PAPOLA: variants seen among roughly 807,000 people sequenced by gnomAD.
PAPOLA encodes polynucleotide adenylyltransferase alpha.
PAPOLA carries 15 observed loss-of-function variants against 100.6 expected under a neutral mutation model. The ratio of observed to expected loss-of-function variants is 0.15; its 90% CI spans 0.10 to 0.23. The LOEUF (loss-of-function observed/expected upper bound fraction) is 0.23. Among genes scored for constraint, PAPOLA ranks in the 10% least tolerant of loss-of-function variants. The pLI is 1.00. For synonymous variants in PAPOLA, 293 were observed against 300.0 expected (o/e 0.98, Z 0.24); for missense variants, 533 against 884.2 (o/e 0.60, Z 5.04).
chr14:96,563,624 T>G (rs1167767473), intron 21 of PAPOLA, among the ~76,000 whole-genome samples: 2 of 152,178 alleles, frequency 1.3e-5, no homozygotes, highest in Non-Finnish European at 2.9e-5. Context: ...TACTATGTAC[T>G]ATGATGATAT....
chr14:96,556,957 A>G (rs1380174306), intron 19 of PAPOLA, among the ~76,000 whole-genome samples: 1 of 152,150 alleles, frequency 6.6e-6, no homozygotes, highest in African/African-American at 2.4e-5. Flanking sequence ...CATCATTTGC[A>G]TTTTTGTTTT....
At chr14:96,540,348 C>T (rs1416588743) in intron 12 of PAPOLA, among the ~76,000 whole-genome samples, 1 of 151,490 alleles carries the variant, frequency 6.6e-6, no homozygotes, top group South Asian at 2.1e-4. Context: ...GATTTCTATA[C>T]TTCATTGTCT....
At chr14:96,543,520 C>A (rs1291857550) in intron 14 of PAPOLA, among the ~76,000 whole-genome samples, 1 of 151,878 alleles carries the variant, frequency 6.6e-6, no homozygotes, top group East Asian at 1.9e-4. Context: ...GTGAAAGGAT[C>A]ATTAAATTTG....
chr14:96,535,981 G>T lies in PAPOLA; in HGVS notation c.1012G>T (p.Val338Phe). Residue 338 changes from valine (V) to phenylalanine (F), a missense_variant, in exon 11 of 22, where the codon GTT (valine) becomes TTT (phenylalanine). Val to Phe is a conservative substitution (Grantham distance 50, BLOSUM62 -1). This residue lies in a region of PAPOLA where 87 missense variants were observed against 173.3 expected (regional missense o/e 0.50). Coordinates refer to ENST00000216277, the MANE Select transcript of PAPOLA (RefSeq NM_032632.5). ...NVSVSTRMVM[V>F]EEFKQGLAIT... ...GTCCGTTTCAACACGGATGGTCATG[G>T]TTGAGGAGTTTAAACAAGGTAAGTG... The T allele has an allele frequency of 6.2e-7, 1 of 1,602,484 alleles. No homozygotes were observed. Among genetic ancestry groups the T allele is most frequent in the Non-Finnish European group, 8.5e-7 (1 of 1,174,268 alleles).
chr14:96,558,326 T>G (rs1348371858), intron 19 of PAPOLA, among the ~76,000 whole-genome samples: 2 of 152,220 alleles, frequency 1.3e-5, no homozygotes, highest in Non-Finnish European at 2.9e-5. Context: ...TTCAGACTAC[T>G]GATACTGGTT....
intron 1 of PAPOLA, among the ~76,000 whole-genome samples, chr14:96,515,646 G>A (rs8012120): frequency 0.017 from 2,619 of 152,318 alleles, 74 homozygotes; most frequent in African/African-American, 0.061. Flanking sequence ...TACCCTGAAG[G>A]TAAATATTAA....
At chr14:96,515,014 G>A (rs2140241778) in intron 1 of PAPOLA, among the ~76,000 whole-genome samples, 1 of 152,138 alleles carries the variant, frequency 6.6e-6, no homozygotes, top group East Asian at 1.9e-4. Flanking sequence ...TTAGTATACA[G>A]TTATATTTTA....
rs185475676 is a variant in PAPOLA at position 96,510,845 on chromosome 14, A to G, written c.8+8245A>G. On this transcript the variant is annotated intron_variant, in intron 1 of 21. Coordinates refer to ENST00000216277, the MANE Select transcript of PAPOLA (RefSeq NM_032632.5). ...TAGCAAATAGATTATTTTGGCGATA[A>G]TCTTGCCTGTAAGCTACTATCATGC... Among the ~76,000 whole-genome samples, 21 of 152,334 alleles carry G rather than the reference A, an allele frequency of 1.4e-4. No homozygotes were observed. The East Asian group carries it at 4.1e-3, about 29-fold the overall frequency.
chr14:96,548,002 A>C (rs550701912), intron 16 of PAPOLA, 84 bp downstream of exon 16: 5 of 1,167,984 alleles, frequency 4.3e-6, no homozygotes, highest in Non-Finnish European at 6.0e-6. Flanking sequence ...ATTTAGGCTC[A>C]GTTAATAAGT....
At chr14:96,539,290 A>C (rs1333475616) in intron 12 of PAPOLA, among the ~76,000 whole-genome samples, 1 of 152,142 alleles carries the variant, frequency 6.6e-6, no homozygotes, top group Admixed American at 6.5e-5. Context: ...TTTGTTAAAA[A>C]AGTTAAAAAC....
chr14:96,566,233 G>A lies in PAPOLA; in HGVS notation c.*1183G>A, dbSNP rs1033662339. The A allele has an allele frequency of 1.9e-5, 5 of 261,494 alleles. No individual in the cohort carries two copies. The highest frequency in any genetic ancestry group is 3.6e-5 in the Non-Finnish European group (5 of 139,522). 16.2% of individuals were successfully genotyped at this position (261,494 alleles called of 1,614,324 possible). A position where few individuals can be genotyped will look rare whatever the true frequency, so the allele number is the denominator to read the frequency against. On this transcript the variant is annotated 3_prime_UTR_variant, in exon 22 of 22. Transcript: ENST00000216277. ...ACCAAAATTTGTCAGTACATTTTAC[G>A]TGTAGAAGCATTTTAAAAATCATTT... is the stretch of plus-strand genomic sequence containing the variant.
At chr14:96,512,312 G>A (rs1036671032) in intron 1 of PAPOLA, among the ~76,000 whole-genome samples, 5 of 151,920 alleles carry the variant, frequency 3.3e-5, no homozygotes, top group Non-Finnish European at 7.4e-5. Context: ...GAGCTATAAG[G>A]GAGGATCGCC....
intron 20 of PAPOLA, 67 bp downstream of exon 20, chr14:96,560,778 C>A: frequency 9.9e-7 from 1 of 1,015,090 alleles, no homozygotes; most frequent in South Asian, 1.4e-5. Context: ...AGAAATGTCT[C>A]TAAAATATTG....
At chr14:96,539,573 A>G (rs1899809934) in intron 12 of PAPOLA, among the ~76,000 whole-genome samples, 1 of 152,010 alleles carries the variant, frequency 6.6e-6, no homozygotes, top group Non-Finnish European at 1.5e-5. Flanking sequence ...GTTTTTAACT[A>G]TTTTTATTGG....
intron 16 of PAPOLA, among the ~76,000 whole-genome samples, chr14:96,549,862 A>C (rs1900696393): frequency 2.0e-5 from 3 of 152,180 alleles, no homozygotes. Flanking sequence ...GAAAATATAA[A>C]CATTTTGGAC....
intron 1 of PAPOLA, chr14:96,504,699 AG>A (rs1474911792): frequency 1.2e-4 from 18 of 152,374 alleles, no homozygotes; most frequent in Admixed American, 1.2e-3. Context: ...AGACTCAAAA[AG>A]TAAGTATACG....
chr14:96,558,458 C>G (rs888785696), intron 19 of PAPOLA, among the ~76,000 whole-genome samples: 3 of 152,126 alleles, frequency 2.0e-5, no homozygotes, highest in African/African-American at 7.2e-5. Flanking sequence ...CCTAAGAGCT[C>G]TAAATAAGTT....
At position 96,565,075 on chromosome 14, in the gene PAPOLA, A is replaced by G; in HGVS notation, c.*25A>G. On this transcript the variant is annotated 3_prime_UTR_variant, in exon 22 of 22. Coordinates refer to ENST00000216277, the MANE Select transcript of PAPOLA (RefSeq NM_032632.5). ...AAAACAACCTCAGGGGTCCATAAAC[A>G]ATATCTGCCAACTCAACCTGTTGTC... The G allele has an allele frequency of 9.0e-7, 1 of 1,104,984 alleles. No individual in the cohort carries two copies. Among genetic ancestry groups the G allele is most frequent in the Non-Finnish European group, 1.4e-6 (1 of 715,740 alleles). 68.4% of individuals were successfully genotyped at this position (1,104,984 alleles called of 1,614,324 possible). A position where few individuals can be genotyped will look rare whatever the true frequency, so the allele number is the denominator to read the frequency against.
intron 1 of PAPOLA, among the ~76,000 whole-genome samples, chr14:96,510,959 A>T (rs778583955): frequency 6.6e-6 from 1 of 152,222 alleles, no homozygotes; most frequent in Non-Finnish European, 1.5e-5. Flanking sequence ...GATCCCTTGT[A>T]TCTTTTCTGT....
Sources: gnomAD v4.1 joint callset for allele counts (sites outside exome capture counted in the v4.1 genomes callset) on GRCh38, gnomAD v4.1.1 for gene constraint, gnomAD v4.1.1 regional missense constraint, MANE v1.5 for transcripts, NCBI Gene and HGNC (gene_info 2026-07-23, HGNC 2026-07-21) for gene names.